TP53BP1: variants seen among roughly 807,000 people sequenced by gnomAD.
TP53BP1 encodes TP53-binding protein 1.
TP53BP1 carries 61 observed loss-of-function variants against 200.8 expected under a neutral mutation model. That is an observed-to-expected ratio of 0.30 (90% CI 0.25 to 0.38). TP53BP1 has a LOEUF of 0.38. Among genes scored for constraint, TP53BP1 ranks in the 10% least tolerant of loss-of-function variants. TP53BP1 has a pLI of 1.00. For missense variants in TP53BP1, 2,144 were observed against 2,371.9 expected (o/e 0.90, Z 2.00); for synonymous variants, 822 against 844.3 (o/e 0.97, Z 0.46).
chr15:43,456,693 G>A lies in TP53BP1; in HGVS notation c.1915C>T (p.Arg639Ter), dbSNP rs1298603817. ...GSQAVPSPAT[R>*]SEALSSVLDQ... Reference sequence around the variant, plus strand: ...AACACACTAGAAAGTGCCTCAGATCGAGTAGCTGGTGACGGAACTGCCTGA... The same window carrying A: ...AACACACTAGAAAGTGCCTCAGATCAAGTAGCTGGTGACGGAACTGCCTGA... The change falls in exon 12 of 28, where the codon CGA (arginine) becomes TGA (stop). Residue 639 changes from arginine to a stop codon, truncating the protein, a stop_gained. Transcript: ENST00000382044. LOFTEE classifies it high-confidence loss of function. 2 of 1,614,068 alleles carry A rather than the reference G, an allele frequency of 1.2e-6. No individual in the cohort carries two copies. Among genetic ancestry groups the A allele is most frequent in the Non-Finnish European group, 1.7e-6 (2 of 1,180,030 alleles).
intron 1 of TP53BP1, among the ~76,000 whole-genome samples, chr15:43,499,507 C>G (rs564259427): frequency 1.5e-4 from 23 of 152,334 alleles, no homozygotes; most frequent in African/African-American, 5.5e-4. Flanking sequence ...GTCATTATTA[C>G]ACTTTCCCAT....
intron 1 of TP53BP1, among the ~76,000 whole-genome samples, chr15:43,502,685 T>C (rs924652481): frequency 9.2e-5 from 14 of 151,612 alleles, no homozygotes; most frequent in African/African-American, 3.4e-4. Flanking sequence ...GGTCTCAATC[T>C]CCTGTCCTCA....
Position 43,480,911 on chromosome 15 carries a change from A to G in TP53BP1, c.483T>C (p.His161=). ...KEEDTSGNTT[H]SLGAEDTASS... ...CAAGGCTACCTTCAGCACCAAGGGA[A>G]TGTGTAGTATTGCCTGAAGTATCTT... The change falls in exon 5 of 28, where the codon CAT becomes CAC. Residue 161 remains histidine (H), a synonymous_variant. Coordinates refer to ENST00000382044, the MANE Select transcript of TP53BP1 (RefSeq NM_001141980.3). 5 of 1,614,128 alleles carry G rather than the reference A, an allele frequency of 3.1e-6. No individual in the cohort carries two copies. Among genetic ancestry groups the G allele is most frequent in the Non-Finnish European group, 4.2e-6 (5 of 1,179,992 alleles).
In TP53BP1 at chr15:43,420,733, T is replaced by C; in HGVS notation, c.4253A>G (p.Glu1418Gly). The C allele has an allele frequency of 6.2e-7, 1 of 1,612,316 alleles. No homozygotes were observed. Among genetic ancestry groups the C allele is most frequent in the African/African-American group, 1.3e-5 (1 of 74,990 alleles). Reference sequence around the variant, plus strand: ...GCCCAAGGGGCCAGGCACAGCTGTTTCTCTAAAGAGAGATAGGGGATAGGA... The same window carrying C: ...GCCCAAGGGGCCAGGCACAGCTGTTCCTCTAAAGAGAGATAGGGGATAGGA... ...RPPSRTTGTR[E>G]TAVPGPLGIE... is the part of the protein sequence containing the mutation. The change falls in exon 21 of 28, where the codon GAA becomes GGA. Residue 1418 changes from glutamate (E) to glycine (G), a missense_variant and splice_region_variant. Transcript: ENST00000382044.
chr15:43,456,334 G>T lies in TP53BP1; in HGVS notation c.2274C>A (p.Asp758Glu). Residue 758 changes from aspartate (D) to glutamate (E), a missense_variant, in exon 12 of 28, where the codon GAC becomes GAA. By Grantham distance (45) the Asp-to-Glu change is conservative (BLOSUM62 2). This residue lies in a region of TP53BP1 where 1,700 missense variants were observed against 1,710.3 expected (regional missense o/e 0.99). Coordinates refer to ENST00000382044, the MANE Select transcript of TP53BP1 (RefSeq NM_001141980.3). Reference sequence around the variant, plus strand: ...TCACATCTACAATGACAACACTGGAGTCCTCTGAAGTAGCTTCTTCCCAAG... The same window carrying T: ...TCACATCTACAATGACAACACTGGATTCCTCTGAAGTAGCTTCTTCCCAAG... ...QEAWEEATSE[D>E]SSVVIVDVKE... 2 of 1,613,152 alleles carry T rather than the reference G, an allele frequency of 1.2e-6. No homozygotes were observed. Among genetic ancestry groups the T allele is most frequent in the Non-Finnish European group, 8.5e-7 (1 of 1,179,862 alleles).
At position 43,456,549 on chromosome 15, in the gene TP53BP1, C is replaced by T. The variant is rs778903457; in HGVS notation, c.2059G>A (p.Glu687Lys). The T allele has an allele frequency of 6.2e-7, 1 of 1,612,284 alleles. No individual in the cohort carries two copies. Among genetic ancestry groups the T allele is most frequent in the South Asian group, 1.1e-5 (1 of 90,866 alleles). Residue 687 changes from glutamate to lysine, a missense_variant, in exon 12 of 28, where the codon GAA becomes AAA. By Grantham distance (56) the Glu-to-Lys change is moderately conservative. Around this residue, in one of 4 missense-constraint regions of TP53BP1, gnomAD observed 1,700 missense variants for 1,710.3 expected, o/e 0.99. Transcript: ENST00000382044. ...TGCAACGGAACACTCTCCATATTTT[C>T]TTCTTTGAGTTCCTCTCCTTGACTT... ...CESQGEELKE[E>K]NMESVPLHLS... is the part of the protein sequence containing the mutation.
chr15:43,500,338 T>C lies in TP53BP1; in HGVS notation c.-8-7870A>G, dbSNP rs74808396. 1.7e-3 allele frequency among the ~76,000 whole-genome samples: 266 copies of C among 152,336 alleles called. 5 individuals are homozygous for C. The East Asian group carries it at 0.043, about 25-fold the overall frequency. ...TTAACAGAAAAAATTTTAAAAGCTA[T>C]GTACTTATATAATACACCTTCAACA... On this transcript the variant is annotated intron_variant, in intron 1 of 27. Coordinates refer to the TP53BP1 transcript ENST00000263801.
At chr15:43,430,585 C>T (rs1415423307) in intron 17 of TP53BP1, among the ~76,000 whole-genome samples, 1 of 152,068 alleles carries the variant, frequency 6.6e-6, no homozygotes, top group Non-Finnish European at 1.5e-5. Context: ...CTAAGTAGAT[C>T]CCAAATGAAG....
chr15:43,492,999 C>T (rs1337103983), intron 1 of TP53BP1, 38 bp downstream of exon 1: 1 of 1,608,616 alleles, frequency 6.2e-7, no homozygotes, highest in Non-Finnish European at 8.5e-7. Context: ...TCCAGGCCTT[C>T]AGAGCCCACT....
At chr15:43,494,050 A>G (rs2079163301), upstream of TP53BP1, among the ~76,000 whole-genome samples, 1 of 152,066 alleles carries the variant, frequency 6.6e-6, no homozygotes, top group African/African-American at 2.4e-5. Context: ...TAATGAACTA[A>G]GCCCCATGTG....
chr15:43,471,181 T>C (rs1423727253), intron 10 of TP53BP1, among the ~76,000 whole-genome samples: 3 of 151,242 alleles, frequency 2.0e-5, no homozygotes, highest in East Asian at 3.9e-4. Context: ...ATTAAGCAAA[T>C]GCATTAAATC....
In TP53BP1 at chr15:43,476,392, T is replaced by C. The variant is rs2078882460; in HGVS notation, c.956-698A>G. On this transcript the variant is annotated intron_variant, in intron 8 of 27. Coordinates refer to ENST00000382044, the MANE Select transcript of TP53BP1 (RefSeq NM_001141980.3). ...CTTTTATTCCAACGTCTACCTTAGG[T>C]GAAGTCAAGCTCATGCCATGATACA... Among the ~76,000 whole-genome samples the C allele has an allele frequency of 2.0e-5, 3 of 152,184 alleles. No individual in the cohort carries two copies. In the South Asian group the frequency reaches 6.2e-4, roughly 32 times the overall value.
chr15:43,448,521 A>G (rs957375001), intron 12 of TP53BP1, among the ~76,000 whole-genome samples: 1 of 151,944 alleles, frequency 6.6e-6, no homozygotes, highest in African/African-American at 2.4e-5. Context: ...TTTTTCCTTT[A>G]AAACAAAACA....
Position 43,480,010 on chromosome 15 carries a change from G to C in TP53BP1, c.507C>G (p.Ala169=), listed in dbSNP as rs377421806. 1 of 1,613,930 alleles carries C rather than the reference G, an allele frequency of 6.2e-7. No individual in the cohort carries two copies. Among genetic ancestry groups the C allele is most frequent in the East Asian group, 2.2e-5 (1 of 44,896 alleles). Residue 169 remains alanine, a synonymous_variant, in exon 6 of 28, where the codon GCC becomes GCG. Transcript: ENST00000382044. Reference sequence around the variant, plus strand: ...GAACCCCAAAACCCAACTGTGATGAGGCAGTATCTAGGAACAAAATGCCAA... The same window carrying C: ...GAACCCCAAAACCCAACTGTGATGACGCAGTATCTAGGAACAAAATGCCAA... ...TTHSLGAEDT[A]SSQLGFGVLE...
chr15:43,447,630 A>G (rs1376683839), intron 12 of TP53BP1, 145 bp from the exon 13 acceptor site: 1 of 751,440 alleles, frequency 1.3e-6, no homozygotes, highest in Non-Finnish European at 2.0e-6. Context: ...TCTCATTGCC[A>G]CCACCCTCAC....
chr15:43,509,789 C>A (rs2079261379), intron 1 of TP53BP1, among the ~76,000 whole-genome samples: 1 of 152,046 alleles, frequency 6.6e-6, no homozygotes. Context: ...ATACTGTGTT[C>A]CTTTCTTTCC....
rs780200445 is a variant in TP53BP1 at position 43,422,158 on chromosome 15, AGAT to A, written c.3829-35_3829-33del. Reference sequence around the variant, plus strand: ...GGAAAAAATAGATACAGAAGATAAAAGATGCCATAATAACACAATGCTAATATG... The same window carrying A: ...GGAAAAAATAGATACAGAAGATAAAAGCCATAATAACACAATGCTAATATG... On this transcript the variant is annotated intron_variant, in intron 18 of 27. Coordinates refer to ENST00000382044, the MANE Select transcript of TP53BP1 (RefSeq NM_001141980.3). 2.5e-6 allele frequency: 4 copies of A among 1,602,020 alleles called. No individual in the cohort carries two copies. The South Asian group carries it at 4.5e-5, about 18-fold the overall frequency.
chr15:43,477,381 T>C (rs1212586217), intron 8 of TP53BP1, among the ~76,000 whole-genome samples: 1 of 152,100 alleles, frequency 6.6e-6, no homozygotes, highest in Non-Finnish European at 1.5e-5. Context: ...CACCATCTCA[T>C]TTCCAAAAGA....
chr15:43,445,161 T>C (rs2046012745), intron 14 of TP53BP1, among the ~76,000 whole-genome samples: 1 of 152,220 alleles, frequency 6.6e-6, no homozygotes, highest in Non-Finnish European at 1.5e-5. Context: ...AAGTAGAGAG[T>C]ACATTTGCAG....
Sources: gnomAD v4.1 joint callset for allele counts (sites outside exome capture counted in the v4.1 genomes callset) on GRCh38, gnomAD v4.1.1 for gene constraint, gnomAD v4.1.1 regional missense constraint, MANE v1.5 for transcripts, NCBI Gene and HGNC (gene_info 2026-07-23, HGNC 2026-07-21) for gene names.